PRKN: variants seen among roughly 807,000 people sequenced by gnomAD.
The protein encoded by PRKN is E3 ubiquitin-protein ligase parkin.
In PRKN, 56 loss-of-function variants were observed where a neutral mutation model predicts 59.5. That is an observed-to-expected ratio of 0.94 (90% confidence interval 0.76 to 1.18). The LOEUF (loss-of-function observed/expected upper bound fraction) is 1.18. Among genes scored for constraint, PRKN ranks in the 50% most tolerant of loss-of-function variants. The pLI is 0.00. For missense variants in PRKN, 657 were observed against 596.4 expected (o/e 1.10, Z -1.06); for synonymous variants, 250 against 222.1 (o/e 1.13, Z -1.12).
At chr6:162,089,676 T>C (rs1779395262) in intron 4 of PRKN, among the ~76,000 whole-genome samples, 1 of 152,214 alleles carries the variant, frequency 6.6e-6, no homozygotes. Context: ...CAAAATGCAG[T>C]ATATTCATAC....
chr6:162,306,840 G>A (rs532126764), intron 2 of PRKN, among the ~76,000 whole-genome samples: 108 of 152,250 alleles, frequency 7.1e-4, no homozygotes, highest in African/African-American at 2.0e-3. Flanking sequence ...GCCCAGGCAC[G>A]CTGCCAATGC....
chr6:162,499,116 G>T (rs1357578229), intron 1 of PRKN, among the ~76,000 whole-genome samples: 1 of 152,134 alleles, frequency 6.6e-6, no homozygotes, highest in Non-Finnish European at 1.5e-5. Flanking sequence ...GTTCTTTCCT[G>T]ATCTGGCCTC....
At chr6:162,545,963 T>G (rs1779100342) in intron 1 of PRKN, among the ~76,000 whole-genome samples, 1 of 152,044 alleles carries the variant, frequency 6.6e-6, no homozygotes, top group Non-Finnish European at 1.5e-5. Context: ...CAATAGAATT[T>G]AAGAGTCTAC....
intron 7 of PRKN, among the ~76,000 whole-genome samples, chr6:161,782,530 A>T (rs1320364173): frequency 6.6e-6 from 1 of 152,180 alleles, no homozygotes; most frequent in Non-Finnish European, 1.5e-5. Context: ...CTTTGAATAT[A>T]GCATGTTTTG....
At chr6:162,106,651 G>A (rs1780205584) in intron 4 of PRKN, among the ~76,000 whole-genome samples, 2 of 152,260 alleles carry the variant, frequency 1.3e-5, no homozygotes, top group African/African-American at 2.4e-5. Context: ...TTTGCACAAG[G>A]CAATACTGTG....
Position 161,461,252 on chromosome 6 carries a change from C to T in PRKN, c.1084-74375G>A, listed in dbSNP as rs897761153. On this transcript the variant is annotated intron_variant, in intron 9 of 11. Coordinates refer to ENST00000366898, the MANE Select transcript of PRKN (RefSeq NM_004562.3). The surrounding 1 kb of genome is among the most constrained non-coding windows in gnomAD (Gnocchi z 5.1). ...GGTCTGAAAAGTACTCAGTGAGTTC[C>T]GGACCCGGAAATGGTTCAACATGAG... is the stretch of plus-strand genomic sequence containing the variant. 3.1e-4 allele frequency among the ~76,000 whole-genome samples: 47 copies of T among 152,102 alleles called. No individual in the cohort carries two copies. Among genetic ancestry groups the T allele is most frequent in the African/African-American group, 8.9e-4 (37 of 41,398 alleles).
chr6:161,543,492 G>A (rs989636011), intron 9 of PRKN, among the ~76,000 whole-genome samples: 1 of 152,192 alleles, frequency 6.6e-6, no homozygotes, highest in African/African-American at 2.4e-5. Flanking sequence ...TGCCTCATTA[G>A]TTCCCTGACA....
At chr6:161,838,835 G>A (rs1792866958) in intron 6 of PRKN, among the ~76,000 whole-genome samples, 2 of 152,144 alleles carry the variant, frequency 1.3e-5, no homozygotes, top group South Asian at 2.1e-4. Context: ...CAGTCATCTT[G>A]ACAAGAGCAA....
intron 3 of PRKN, among the ~76,000 whole-genome samples, chr6:162,240,956 T>C (rs1778962046): frequency 6.6e-6 from 1 of 152,234 alleles, no homozygotes; most frequent in Non-Finnish European, 1.5e-5. Flanking sequence ...TGGTGAAGAC[T>C]ATAGAACTGC....
chr6:162,301,308 T>C (rs1402482875), intron 2 of PRKN, among the ~76,000 whole-genome samples: 1 of 151,880 alleles, frequency 6.6e-6, no homozygotes, highest in South Asian at 2.1e-4. Context: ...CTTTGTAGTA[T>C]AGTCAAAGAC....
chr6:162,353,799 A>G (rs1403274877), intron 2 of PRKN, among the ~76,000 whole-genome samples: 3 of 152,162 alleles, frequency 2.0e-5, no homozygotes, highest in African/African-American at 7.2e-5. Flanking sequence ...GTGAAATTCC[A>G]TATAAATCTA....
chr6:161,787,266 A>G (rs1385274192), intron 6 of PRKN, among the ~76,000 whole-genome samples: 1 of 152,232 alleles, frequency 6.6e-6, no homozygotes, highest in Non-Finnish European at 1.5e-5. Flanking sequence ...ATACAAACAA[A>G]GAAAATACAA....
At chr6:162,252,643 C>T (rs571998390) in intron 3 of PRKN, among the ~76,000 whole-genome samples, 5 of 152,190 alleles carry the variant, frequency 3.3e-5, no homozygotes, top group Admixed American at 1.3e-4. Context: ...TGAGAGGGCA[C>T]GGCTGGAAGG....
At chr6:162,092,339 G>A (rs567518511) in intron 4 of PRKN, among the ~76,000 whole-genome samples, 2 of 152,086 alleles carry the variant, frequency 1.3e-5, no homozygotes, top group East Asian at 3.9e-4. Context: ...GGGTGACAGA[G>A]TGAGTCTAAT....
At chr6:162,109,274 A>G (rs1362785553) in intron 4 of PRKN, among the ~76,000 whole-genome samples, 3 of 152,208 alleles carry the variant, frequency 2.0e-5, no homozygotes, top group Non-Finnish European at 4.4e-5. Context: ...CACCTTCTAC[A>G]TCAGTAAGAC....
intron 1 of PRKN, among the ~76,000 whole-genome samples, chr6:162,490,233 G>A (rs141121072): frequency 1.4e-3 from 209 of 152,140 alleles, no homozygotes; most frequent in African/African-American, 4.3e-3. Context: ...ATCATTTGTC[G>A]GGGGGAAAAA....
intron 2 of PRKN, among the ~76,000 whole-genome samples, chr6:162,417,125 G>A (rs1788669678): frequency 6.6e-6 from 1 of 152,144 alleles, no homozygotes. Context: ...CAATATTACT[G>A]AAACTCCAAG....
chr6:162,290,284 A>G (rs936080722), intron 2 of PRKN, among the ~76,000 whole-genome samples: 2 of 152,282 alleles, frequency 1.3e-5, no homozygotes, highest in Admixed American at 6.5e-5. Context: ...TTAATATAAG[A>G]TATCTGTTGT....
At chr6:162,217,548 C>A (rs1229920153) in intron 3 of PRKN, among the ~76,000 whole-genome samples, 1 of 152,038 alleles carries the variant, frequency 6.6e-6, no homozygotes, top group Non-Finnish European at 1.5e-5. Flanking sequence ...CCACACCCAG[C>A]TAATTTTTTG....
Sources: gnomAD v4.1 joint callset for allele counts (sites outside exome capture counted in the v4.1 genomes callset) on GRCh38, gnomAD v4.1.1 for gene constraint, Gnocchi (gnomAD v3.1) non-coding constraint, MANE v1.5 for transcripts, NCBI Gene and HGNC (gene_info 2026-07-23, HGNC 2026-07-21) for gene names.